The following PCDHA6 variants were observed in gnomAD, a reference collection of about 807,000 sequenced individuals.
The protein encoded by PCDHA6 is protocadherin alpha-6.
Under a neutral mutation model 60.3 loss-of-function variants are expected in PCDHA6, and 55 were observed. The ratio of observed to expected loss-of-function variants is 0.91; its 90% CI spans 0.73 to 1.14. PCDHA6 has a LOEUF of 1.14. PCDHA6 is among the 50% of genes most tolerant of loss of function. The probability of loss-of-function intolerance (pLI) is 0.00; values close to 1 mark genes in which losing one functional copy is unlikely to be tolerated. For synonymous variants in PCDHA6, 652 were observed against 557.9 expected (o/e 1.17, Z -2.38); for missense variants, 1,327 against 1,256.5 (o/e 1.06, Z -0.85).
At chr5:140,831,169 T>C (rs1771407400) in intron 1 of PCDHA6, 1 of 152,190 alleles carries the variant, frequency 6.6e-6, no homozygotes, top group Admixed American at 6.6e-5. Context: ...AATGGAAAAA[T>C]AGTGATTCAA....
rs149846721 is a variant in PCDHA6 at position 140,856,069 on chromosome 5, C to T, written c.2394+25584C>T. ...ATAAGATGGTTTCCAGATGTAGCTG[C>T]CTGGGGGTCCAGTGTCTGCTGCTCT... is the stretch of plus-strand genomic sequence containing the variant. On this transcript the variant is annotated intron_variant, in intron 1 of 3. Transcript: ENST00000529310. 2.1e-5 allele frequency: 33 copies of T among 1,591,484 alleles called. 2 individuals carry two copies. In the African/African-American group the frequency reaches 3.4e-4, roughly 16 times the overall value.
intron 1 of PCDHA6, chr5:140,929,431 C>T (rs155360): frequency 0.52 from 779,088 of 1,485,262 alleles, 207,160 homozygotes; most frequent in African/African-American, 0.75. Context: ...ATCAATTGAA[C>T]TAAACACTCC....
intron 1 of PCDHA6, among the ~76,000 whole-genome samples, chr5:140,935,413 T>C (rs1011900671): frequency 1.3e-5 from 2 of 152,246 alleles, no homozygotes; most frequent in Non-Finnish European, 2.9e-5. Flanking sequence ...ACAATGGACT[T>C]AGAAAACAAT....
intron 1 of PCDHA6, chr5:140,929,668 A>G (rs1554207270): frequency 3.1e-6 from 1 of 324,518 alleles, no homozygotes; most frequent in East Asian, 5.3e-5. Flanking sequence ...AAAGTGAAGA[A>G]TGAAAAATAT....
chr5:140,981,881 C>T lies in PCDHA6; in HGVS notation c.2454-594C>T, dbSNP rs138571007. Among the ~76,000 whole-genome samples the T allele has an allele frequency of 4.1e-3, 622 of 152,270 alleles. 4 individuals carry two copies. Among genetic ancestry groups the T allele is most frequent in the African/African-American group, 0.014 (590 of 41,550 alleles). ...CAGCAATGTTTTATGCTGAATTAAT[C>T]TCTTCTGAGCGGGGATCTGTGAGTG... On this transcript the variant is annotated intron_variant, in intron 2 of 3. Transcript: ENST00000529310.
At chr5:140,865,534 A>G (rs2048907246) in intron 1 of PCDHA6, 1 of 152,224 alleles carries the variant, frequency 6.6e-6, no homozygotes, top group South Asian at 2.1e-4. Flanking sequence ...CTCTTCATCC[A>G]TAGCTATAGG....
At chr5:140,874,185 G>A (rs551629220) in intron 1 of PCDHA6, among the ~76,000 whole-genome samples, 33 of 152,158 alleles carry the variant, frequency 2.2e-4, no homozygotes, top group Non-Finnish European at 4.6e-4. Context: ...TTGTAAAGGT[G>A]TCATATTTCA....
At chr5:140,967,135 G>A in intron 1 of PCDHA6, 1 of 1,611,752 alleles carries the variant, frequency 6.2e-7, no homozygotes, top group South Asian at 1.1e-5. Context: ...GCTTGGAAGT[G>A]CTGGCGCACA....
At position 140,858,233 on chromosome 5, in the gene PCDHA6, G is replaced by T. The variant is rs1014024880; in HGVS notation, c.2394+27748G>T. On this transcript the variant is annotated intron_variant, in intron 1 of 3. Coordinates refer to ENST00000529310, the MANE Select transcript of PCDHA6 (RefSeq NM_018909.4). ...GTGCTCGGCGGCGCCCACCGAGGGCGCATGTGGGCCGGTGAAGCCCACGCT... is the reference window on the plus strand; with the variant it reads ...GTGCTCGGCGGCGCCCACCGAGGGCTCATGTGGGCCGGTGAAGCCCACGCT... The T allele has an allele frequency of 9.4e-6, 15 of 1,596,216 alleles. 1 individual carries two copies. Among genetic ancestry groups the T allele is most frequent in the Non-Finnish European group, 1.1e-5 (13 of 1,166,126 alleles).
chr5:140,858,473 A>G (rs1055200728), intron 1 of PCDHA6: 2 of 1,518,350 alleles, frequency 1.3e-6, no homozygotes, highest in Non-Finnish European at 1.8e-6. Context: ...TTTGTGCTTT[A>G]TGAATAATAT....
intron 1 of PCDHA6, among the ~76,000 whole-genome samples, chr5:140,973,915 A>T (rs1401328396): frequency 2.0e-5 from 3 of 152,242 alleles, no homozygotes; most frequent in African/African-American, 7.2e-5. Context: ...CATTCCTGTC[A>T]CCAAACCCAG....
At chr5:140,906,403 T>A (rs1583592944) in intron 1 of PCDHA6, among the ~76,000 whole-genome samples, 1 of 152,220 alleles carries the variant, frequency 6.6e-6, no homozygotes, top group East Asian at 1.9e-4. Context: ...AATTTTCATA[T>A]GAAGTCAATA....
chr5:140,992,017 C>CTGTGTGTG (rs10602499), intron 3 of PCDHA6, among the ~76,000 whole-genome samples: 149 of 145,626 alleles, frequency 1.0e-3, no homozygotes, highest in African/African-American at 2.4e-3. Flanking sequence ...AGAGGTGGCT[C>CTGTGTGTG]TGTGTGTGTG....
chr5:140,926,629 G>A, intron 1 of PCDHA6: 1 of 406,364 alleles, frequency 2.5e-6, no homozygotes, highest in African/African-American at 2.1e-5. Context: ...GCGGCGCTGC[G>A]CTCCTCAACA....
chr5:140,985,508 A>G (rs2097155357), intron 3 of PCDHA6, among the ~76,000 whole-genome samples: 1 of 152,160 alleles, frequency 6.6e-6, no homozygotes, highest in Admixed American at 6.5e-5. Context: ...CCTTTCATTG[A>G]TTCTGTTGCC....
chr5:140,982,772 A>T (rs144366377), intron 3 of PCDHA6, among the ~76,000 whole-genome samples: 67 of 152,052 alleles, frequency 4.4e-4, no homozygotes, highest in African/African-American at 1.5e-3. Context: ...TAACAAGGAA[A>T]GTGTGTGTGC....
chr5:140,968,477 G>T, intron 1 of PCDHA6: 1 of 1,614,112 alleles, frequency 6.2e-7, no homozygotes, highest in Non-Finnish European at 8.5e-7. Flanking sequence ...ATATGTGGTG[G>T]ACATGAATGA....
rs1443126988 is a variant in PCDHA6 at position 140,960,088 on chromosome 5, A to G, written c.2395-18861A>G. Among the ~76,000 whole-genome samples, 6 of 152,248 alleles carry G rather than the reference A, an allele frequency of 3.9e-5. No homozygotes were observed. The East Asian group carries it at 5.8e-4, about 15-fold the overall frequency. ...TTCAATTGAAGTTTCTAAAAGAGAA[A>G]GAAACTTGTAGTTGTGGGAACAATA... On this transcript the variant is annotated intron_variant, in intron 1 of 3. Coordinates refer to ENST00000529310, the MANE Select transcript of PCDHA6 (RefSeq NM_018909.4).
chr5:140,870,302 T>A (rs782099481), intron 1 of PCDHA6: 9 of 1,614,020 alleles, frequency 5.6e-6, no homozygotes, highest in South Asian at 4.4e-5. Flanking sequence ...GTGTCCACCT[T>A]CAAGAATTAC....
Sources: gnomAD v4.1 joint callset for allele counts (sites outside exome capture counted in the v4.1 genomes callset) on GRCh38, gnomAD v4.1.1 for gene constraint, MANE v1.5 for transcripts, NCBI Gene and HGNC (gene_info 2026-07-23, HGNC 2026-07-21) for gene names.